NELL1: variants seen among roughly 807,000 people sequenced by gnomAD.
NELL1 encodes the protein neural EGFL like 1.
NELL1 carries 76 observed loss-of-function variants against 107.4 expected under a neutral mutation model. The ratio of observed to expected loss-of-function variants is 0.71; its 90% CI spans 0.59 to 0.86. NELL1 has a LOEUF of 0.86. Ranked by LOEUF, NELL1 falls within the 40% of genes least tolerant of loss-of-function variation. The pLI is 0.00. For synonymous variants in NELL1, 353 were observed against 341.2 expected, an observed-to-expected ratio of 1.03 and a Z score of -0.38; for missense variants, 1,024 against 1,005.5, an observed-to-expected ratio of 1.02 and a Z score of -0.25.
At chr11:21,291,802 A>T (rs1849269292) in intron 14 of NELL1, among the ~76,000 whole-genome samples, 2 of 152,158 alleles carry the variant, frequency 1.3e-5, no homozygotes, top group South Asian at 4.1e-4. Context: ...AACCCATCAG[A>T]TAAACAGAAC....
intron 14 of NELL1, among the ~76,000 whole-genome samples, chr11:21,365,740 T>G (rs1851204525): frequency 6.6e-6 from 1 of 152,098 alleles, no homozygotes; most frequent in Non-Finnish European, 1.5e-5. Context: ...GATGTTTGTT[T>G]TTATATTCAA....
In NELL1 at chr11:21,218,452, T is replaced by C. The variant is rs903425833; in HGVS notation, c.1427-10880T>C. Among the ~76,000 whole-genome samples the C allele has an allele frequency of 3.3e-5, 5 of 152,294 alleles. No homozygotes were observed. In the East Asian group the frequency reaches 9.6e-4, roughly 29 times the overall value. On this transcript the variant is annotated intron_variant, in intron 13 of 19. Transcript: ENST00000357134. ...AATGATCAAATCAGAGTAATTAGCT[T>C]ACCCATCACCTCAAATATTTATCAT...
At chr11:21,528,645 T>G (rs1855920543) in intron 15 of NELL1, among the ~76,000 whole-genome samples, 1 of 144,180 alleles carries the variant, frequency 6.9e-6, no homozygotes, top group Non-Finnish European at 1.5e-5. Context: ...CATAAATTAC[T>G]CAATCTCAGG....
intron 15 of NELL1, among the ~76,000 whole-genome samples, chr11:21,492,315 A>C (rs933665290): frequency 1.2e-4 from 19 of 152,090 alleles, no homozygotes; most frequent in Admixed American, 1.0e-3. Context: ...AACTAGTTCA[A>C]CCATTGTGGA....
intron 13 of NELL1, among the ~76,000 whole-genome samples, chr11:21,153,786 A>G (rs1209172270): frequency 6.6e-5 from 10 of 152,150 alleles, no homozygotes. Flanking sequence ...GTTACCAAAG[A>G]TTATACACTA....
At chr11:21,155,600 C>T (rs1441274571) in intron 13 of NELL1, among the ~76,000 whole-genome samples, 1 of 152,086 alleles carries the variant, frequency 6.6e-6, no homozygotes, top group Non-Finnish European at 1.5e-5. Context: ...GATCAAGTAA[C>T]AGTGTTGTAA....
At chr11:21,083,709 G>A (rs1854321642) in intron 12 of NELL1, among the ~76,000 whole-genome samples, 1 of 152,110 alleles carries the variant, frequency 6.6e-6, no homozygotes, top group Non-Finnish European at 1.5e-5. Flanking sequence ...GCTTATACCT[G>A]AACTACAGAG....
chr11:21,534,132 A>G (rs1425138747), intron 15 of NELL1, among the ~76,000 whole-genome samples: 3 of 152,134 alleles, frequency 2.0e-5, no homozygotes, highest in Non-Finnish European at 4.4e-5. Context: ...TTGAGTTAGG[A>G]TTTTTTTGTG....
chr11:21,314,864 C>A lies in NELL1; in HGVS notation c.1550-55989C>A, dbSNP rs1230977157. 2.1e-5 allele frequency among the ~76,000 whole-genome samples: 3 copies of A among 144,720 alleles called. No individual in the cohort carries two copies. In the East Asian group the frequency reaches 6.0e-4, roughly 29 times the overall value. 94.9% of individuals were successfully genotyped at this position (144,720 alleles called of 152,430 possible). On this transcript the variant is annotated intron_variant, in intron 14 of 19. Coordinates refer to ENST00000357134, the MANE Select transcript of NELL1 (RefSeq NM_006157.5). ...AAGTGCAGTGGATACAGCAAGAGGG[C>A]TTTTTTTTTTTGAGACAAATCTCAC...
intron 12 of NELL1, among the ~76,000 whole-genome samples, chr11:21,108,942 C>T (rs1382375068): frequency 6.6e-6 from 1 of 152,102 alleles, no homozygotes; most frequent in East Asian, 1.9e-4. Flanking sequence ...CAGTCATAAA[C>T]ATCAGCTACA....
At chr11:21,148,681 A>G (rs1160755967) in intron 13 of NELL1, among the ~76,000 whole-genome samples, 1 of 152,176 alleles carries the variant, frequency 6.6e-6, no homozygotes, top group Non-Finnish European at 1.5e-5. Flanking sequence ...TTTCACACTG[A>G]TTCATCTGTA....
chr11:20,696,679 T>C (rs1304401113), intron 2 of NELL1, among the ~76,000 whole-genome samples: 2 of 152,182 alleles, frequency 1.3e-5, no homozygotes, highest in African/African-American at 4.8e-5. Flanking sequence ...TACTCAATTT[T>C]TTTGGTCTAC....
chr11:21,468,560 C>T (rs1305649714), intron 15 of NELL1, among the ~76,000 whole-genome samples: 1 of 151,944 alleles, frequency 6.6e-6, no homozygotes, highest in Non-Finnish European at 1.5e-5. Flanking sequence ...CTCCAATTTG[C>T]TTCTACAGTG....
chr11:21,486,780 A>G (rs1854644831), intron 15 of NELL1, among the ~76,000 whole-genome samples: 1 of 152,160 alleles, frequency 6.6e-6, no homozygotes, highest in South Asian at 2.1e-4. Context: ...GGATATTTTT[A>G]AAAAGAAGCA....
At chr11:21,326,709 C>T (rs1590839897) in intron 14 of NELL1, among the ~76,000 whole-genome samples, 2 of 151,674 alleles carry the variant, frequency 1.3e-5, no homozygotes, top group Non-Finnish European at 2.9e-5. Flanking sequence ...AAAATTCTGT[C>T]TTTTGCCTAC....
intron 15 of NELL1, among the ~76,000 whole-genome samples, chr11:21,411,678 A>G (rs1020843327): frequency 6.6e-6 from 1 of 152,094 alleles, no homozygotes; most frequent in African/African-American, 2.4e-5. Context: ...AAATTAATGC[A>G]AGCATATCTA....
chr11:21,414,698 G>C (rs11026077), intron 15 of NELL1, among the ~76,000 whole-genome samples: 61,771 of 151,884 alleles, frequency 0.41, 13,384 homozygotes, highest in Non-Finnish European at 0.49. Context: ...CATCATTTGG[G>C]TTTCTAAGTA....
At chr11:21,235,684 A>G (rs369226872) in intron 14 of NELL1, among the ~76,000 whole-genome samples, 9 of 152,286 alleles carry the variant, frequency 5.9e-5, no homozygotes, top group African/African-American at 2.2e-4. Flanking sequence ...TGATGTGAAC[A>G]TGGATGACAA....
intron 4 of NELL1, among the ~76,000 whole-genome samples, chr11:20,870,638 C>T (rs757574448): frequency 3.9e-5 from 6 of 152,120 alleles, no homozygotes; most frequent in South Asian, 2.1e-4. Flanking sequence ...AGACACTTTC[C>T]GAGCTTGTAG....
Sources: allele counts gnomAD v4.1 joint callset (sites outside exome capture counted in the v4.1 genomes callset), GRCh38; gene constraint gnomAD v4.1.1; transcripts MANE v1.5; gene names NCBI Gene and HGNC (gene_info 2026-07-23, HGNC 2026-07-21).